RYR1: variants seen among roughly 807,000 people sequenced by gnomAD.
The protein encoded by RYR1 is central core disease of muscle.
RYR1 carries 342 observed loss-of-function variants against 583.5 expected under a neutral mutation model. The ratio of observed to expected loss-of-function variants is 0.59; its 90% CI spans 0.54 to 0.64. The LOEUF is 0.64. RYR1 is among the 30% of genes least tolerant of loss of function. RYR1 has a pLI of 0.00. For synonymous variants in RYR1, 2,791 were observed against 2,822.5 expected, an observed-to-expected ratio of 0.99 and a Z score of 0.35; for missense variants, 6,032 against 6,917.2, an observed-to-expected ratio of 0.87 and a Z score of 4.54.
In RYR1 at chr19:38,499,769, G is replaced by A. The variant is rs777021627; in HGVS notation, c.7162G>A (p.Glu2388Lys). The A allele has an allele frequency of 5.6e-6, 9 of 1,602,502 alleles. No homozygotes were observed. Among genetic ancestry groups the A allele is most frequent in the African/African-American group, 1.3e-5 (1 of 74,774 alleles). The change falls in exon 44 of 106, where the codon GAG becomes AAG. Residue 2388 changes from glutamate (E) to lysine (K), a missense_variant. Glu to Lys is a moderately conservative substitution (Grantham distance 56, BLOSUM62 1). This residue lies in a region of RYR1 where 2,627 missense variants were observed against 2,961.3 expected (regional missense o/e 0.89). Transcript: ENST00000359596. The surrounding 1 kb of genome is among the most constrained non-coding windows in gnomAD (Gnocchi z 7.3). The stretch of plus-strand genomic sequence containing the variant: ...CATCGAAGAGGCCATCCGCATCTCC[G>A]AGGACCCTGCGAGGGATGGCCCAGG... Reference protein sequence around the residue: ...AAIEEAIRISEDPARDGPGIR... With the variant: ...AAIEEAIRISKDPARDGPGIR...
At chr19:38,537,034 C>T (rs528972176) in intron 83 of RYR1, 15 of 581,410 alleles carry the variant, frequency 2.6e-5, no homozygotes, top group South Asian at 2.3e-4. Context: ...GAAGCAGAAG[C>T]TAGAGAACAT....
Position 38,514,399 on chromosome 19 carries a change from G to GC in RYR1, c.9473-621dup, listed in dbSNP as rs1395381206. Among the ~76,000 whole-genome samples, 98 of 150,812 alleles carry GC rather than the reference G, an allele frequency of 6.5e-4. 1 individual carries two copies. The highest frequency in any genetic ancestry group is 3.2e-4 in the Non-Finnish European group (22 of 67,896). On this transcript the variant is annotated intron_variant, in intron 63 of 105. Transcript: ENST00000359596. ...GGGTTCAAGTGATTCTCCTGCCTCA[G>GC]CCCCCCGAGTAGCTGGGATTACAGG... is the stretch of plus-strand genomic sequence containing the variant.
chr19:38,519,238 G>A lies in RYR1; in HGVS notation c.10043G>A (p.Arg3348His), dbSNP rs193922834. The A allele has an allele frequency of 7.4e-6, 12 of 1,614,016 alleles. No homozygotes were observed. Among genetic ancestry groups the A allele is most frequent in the Admixed American group, 5.0e-5 (3 of 59,998 alleles). ...GTGTTCGCACAGCCCATTGTGAGCCGTGCACGGCCGGAGCTCCTGCAGTCC... is the reference window on the plus strand; with the variant it reads ...GTGTTCGCACAGCCCATTGTGAGCCATGCACGGCCGGAGCTCCTGCAGTCC... ...LAVFAQPIVSRARPELLQSHF... is the reference protein window; with the variant it reads ...LAVFAQPIVSHARPELLQSHF... The change falls in exon 67 of 106, where the codon CGT (arginine) becomes CAT (histidine). Residue 3348 changes from arginine to histidine, a missense_variant. Around this residue, in one of 11 missense-constraint regions of RYR1, gnomAD observed 1,493 missense variants for 1,715.5 expected, o/e 0.87. Coordinates refer to ENST00000359596, the MANE Select transcript of RYR1 (RefSeq NM_000540.3).
At position 38,495,765 on chromosome 19, in the gene RYR1, GA is replaced by G. The variant is rs1036545952; in HGVS notation, c.6549-448del. Among the ~76,000 whole-genome samples, 30 of 151,968 alleles carry G rather than the reference GA, an allele frequency of 2.0e-4. 1 individual carries two copies. Among genetic ancestry groups the G allele is most frequent in the Middle Eastern group, 3.2e-3 (1 of 316 alleles). On this transcript the variant is annotated intron_variant, in intron 39 of 105. Transcript: ENST00000359596. ...ACCCTTCCTCCCACAGTGGCTGTAG[GA>G]ATTTTTTTTTTTTATTTTTTGAGAT...
rs374614781 is a variant in RYR1 at position 38,443,518 on chromosome 19, G to A, written c.271-40G>A. ...GACCTCTTGGGGATCTGGAGAGTCC[G>A]GGGATCTGTGCTTATTCTGTTCCCT... On this transcript the variant is annotated intron_variant, in intron 3 of 105. Transcript: ENST00000359596. 161 of 1,581,138 alleles carry A rather than the reference G, an allele frequency of 1.0e-4. 1 individual carries two copies. Among genetic ancestry groups the A allele is most frequent in the Middle Eastern group, 8.3e-4 (5 of 6,040 alleles).
At chr19:38,438,483 A>G (rs1443307257) in intron 1 of RYR1, among the ~76,000 whole-genome samples, 1 of 150,388 alleles carries the variant, frequency 6.6e-6, no homozygotes, top group Non-Finnish European at 1.5e-5. Context: ...TCGATTTCCC[A>G]GGCTTGGCAG....
At position 38,500,765 on chromosome 19, in the gene RYR1, G is replaced by T; in HGVS notation, c.7444+39G>T. On this transcript the variant is annotated intron_variant, in intron 46 of 105. Transcript: ENST00000359596. The surrounding 1 kb of genome is among the most constrained non-coding windows in gnomAD (Gnocchi z 5.9). ...GGAACTTGGCGAAGGAGTGATGCTG[G>T]GGAGGGAGCGGCTGGGTCCGCAGGG... 6.2e-7 allele frequency: 1 copy of T among 1,614,068 alleles called. No individual in the cohort carries two copies. The highest frequency in any genetic ancestry group is 8.5e-7 in the Non-Finnish European group (1 of 1,179,998).
Position 38,510,504 on chromosome 19 carries a change from T to C in RYR1, c.8939T>C (p.Val2980Ala). The stretch of plus-strand genomic sequence containing the variant: ...CTATTTGCCCTCCCTACAGAGGCTG[T>C]GGTCAGCAGTGGGCGAGTGGAAAAG... ...SQEFIAHLEA[V>A]VSSGRVEKSP... Residue 2980 changes from valine to alanine, a missense_variant, in exon 59 of 106, where the codon GTG becomes GCG. Coordinates refer to ENST00000359596, the MANE Select transcript of RYR1 (RefSeq NM_000540.3). 6.2e-7 allele frequency: 1 copy of C among 1,614,214 alleles called. No homozygotes were observed. The highest frequency in any genetic ancestry group is 8.5e-7 in the Non-Finnish European group (1 of 1,180,042).
At position 38,502,901 on chromosome 19, in the gene RYR1, G is replaced by C. The variant is rs547048377; in HGVS notation, c.7857G>C (p.Leu2619=). The change falls in exon 49 of 106, where the codon CTG becomes CTC. Residue 2619 remains leucine, a synonymous_variant. Transcript: ENST00000359596. ...GCAGGTACATCCGCCCGTCGATGCTGCAGCACCTGTTGCGCCGCCTGGTGT... is the reference window on the plus strand; with the variant it reads ...GCAGGTACATCCGCCCGTCGATGCTCCAGCACCTGTTGCGCCGCCTGGTGT... ...SLCRYIRPSM[L]QHLLRRLVFD... is the part of the protein sequence containing the mutation. 1.2e-6 allele frequency: 2 copies of C among 1,611,710 alleles called. No individual in the cohort carries two copies. Among genetic ancestry groups the C allele is most frequent in the African/African-American group, 1.3e-5 (1 of 74,968 alleles).
In RYR1 at chr19:38,519,468, C is replaced by A. The variant is rs758214097; in HGVS notation, c.10259+14C>A. 2 of 1,584,242 alleles carry A rather than the reference C, an allele frequency of 1.3e-6. No individual in the cohort carries two copies. The highest frequency in any genetic ancestry group is 2.4e-5 in the East Asian group (1 of 42,512). Reference sequence around the variant, plus strand: ...GGACAACAACAGGTCAGCGGGGCCCCGCTGTCCCCATGCCCTCCGCCCCGA... The same window carrying A: ...GGACAACAACAGGTCAGCGGGGCCCAGCTGTCCCCATGCCCTCCGCCCCGA... On this transcript the variant is annotated intron_variant, in intron 67 of 105. Transcript: ENST00000359596.
At chr19:38,575,662 G>A (rs191885821) in intron 96 of RYR1, among the ~76,000 whole-genome samples, 5 of 152,290 alleles carry the variant, frequency 3.3e-5, no homozygotes, top group African/African-American at 9.6e-5. Context: ...AATTAGCCGG[G>A]CGTGGTGGTG....
Position 38,464,739 on chromosome 19 carries a change from A to G in RYR1, c.2870+17A>G, listed in dbSNP as rs1968001422. ...CCCCAAGACGTGAGTGTGGGCAGCC[A>G]GGTCCCGTCTGGGGATGGACTGGGG... On this transcript the variant is annotated intron_variant, in intron 23 of 105. Transcript: ENST00000359596. 3 of 1,564,020 alleles carry G rather than the reference A, an allele frequency of 1.9e-6. No individual in the cohort carries two copies. Among genetic ancestry groups the G allele is most frequent in the Admixed American group, 1.9e-5 (1 of 52,208 alleles).
intron 29 of RYR1, among the ~76,000 whole-genome samples, chr19:38,475,947 G>A (rs1400781910): frequency 3.9e-5 from 6 of 152,174 alleles, no homozygotes; most frequent in Non-Finnish European, 7.3e-5. Context: ...CAGTTTTTCC[G>A]TGGACCACGG....
At chr19:38,573,028 G>A (rs1392484635) in intron 95 of RYR1, 149 bp from the exon 96 acceptor site, 1 of 1,309,342 alleles carries the variant, frequency 7.6e-7, no homozygotes, top group Non-Finnish European at 1.1e-6. Context: ...TAAGCCCTCT[G>A]CCTGGGCCTC....
rs769096297 is a variant in RYR1, at chr19:38,502,674, G to A, written c.7782G>A (p.Ser2594=). ...HTVYRLSRGR[S]LTKAQRDVIE... ...TGTACCGCCTGTCTCGGGGTCGTTC[G>A]CTCACCAAGGCGCAGCGTGACGTCA... The change falls in exon 48 of 106, where the codon TCG becomes TCA. Residue 2594 remains serine, a synonymous_variant. Coordinates refer to ENST00000359596, the MANE Select transcript of RYR1 (RefSeq NM_000540.3). 7 of 1,610,096 alleles carry A rather than the reference G, an allele frequency of 4.3e-6. No individual in the cohort carries two copies. Among genetic ancestry groups the A allele is most frequent in the Non-Finnish European group, 2.5e-6 (3 of 1,179,766 alleles).
intron 39 of RYR1, among the ~76,000 whole-genome samples, chr19:38,495,000 G>A (rs758607626): frequency 6.6e-5 from 10 of 151,570 alleles, no homozygotes; most frequent in East Asian, 3.9e-4. Flanking sequence ...TTACAGGCAC[G>A]CACCACCATA....
chr19:38,517,484 G>A lies in RYR1; in HGVS notation c.9811G>A (p.Glu3271Lys), dbSNP rs773026490. Residue 3271 changes from glutamate (E) to lysine (K), a missense_variant, in exon 66 of 106, where the codon GAG (glutamate) becomes AAG (lysine). Transcript: ENST00000359596. ...ARYTEMPHVI[E>K]ITLPMLCSYL... The stretch of plus-strand genomic sequence containing the variant: ...CTACACAGAGATGCCGCATGTCATC[G>A]AGATCACGCTGCCCATGCTATGCAG... The A allele has an allele frequency of 1.5e-5, 24 of 1,613,938 alleles. No individual in the cohort carries two copies. Among genetic ancestry groups the A allele is most frequent in the Admixed American group, 5.0e-5 (3 of 59,994 alleles).
Position 38,473,554 on chromosome 19 carries a change from C to A in RYR1, c.3943C>A (p.Gln1315Lys). Residue 1315 changes from glutamine (Q) to lysine (K), a missense_variant, in exon 28 of 106, where the codon CAG (glutamine) becomes AAG (lysine). Physicochemically the swap from Gln to Lys is moderately conservative, Grantham distance 53 (BLOSUM62 1). Transcript: ENST00000359596. ...GATPLAPPGLQPPAEDEARAA... is the reference protein window; with the variant it reads ...GATPLAPPGLKPPAEDEARAA... ...CACCCCGCTGGCACCTCCTGGCCTGCAGCCCCCCGCCGAGGACGAGGCCCG... is the reference window on the plus strand; with the variant it reads ...CACCCCGCTGGCACCTCCTGGCCTGAAGCCCCCCGCCGAGGACGAGGCCCG... 6.3e-7 allele frequency: 1 copy of A among 1,594,524 alleles called. No homozygotes were observed. Among genetic ancestry groups the A allele is most frequent in the Non-Finnish European group, 8.5e-7 (1 of 1,172,208 alleles).
intron 31 of RYR1, among the ~76,000 whole-genome samples, chr19:38,482,510 G>A (rs1214945066): frequency 1.3e-5 from 2 of 152,182 alleles, no homozygotes; most frequent in African/African-American, 2.4e-5. Flanking sequence ...AAGTGCGGTG[G>A]TGCAATCATG....
Sources: allele counts gnomAD v4.1 joint callset (sites outside exome capture counted in the v4.1 genomes callset), GRCh38; gene constraint gnomAD v4.1.1; regional missense constraint gnomAD v4.1.1; non-coding constraint Gnocchi (gnomAD v3.1); transcripts MANE v1.5; gene names NCBI Gene and HGNC (gene_info 2026-07-23, HGNC 2026-07-21).